Variants in ESYT3 observed in about 807,000 individuals in gnomAD.
The protein encoded by ESYT3 is extended synaptotagmin 3.
Under a neutral mutation model 111.5 loss-of-function variants are expected in ESYT3, and 101 were observed. That is an observed-to-expected ratio of 0.91 (90% CI 0.77 to 1.07). ESYT3 has a LOEUF of 1.07. ESYT3 is among the 50% of genes least tolerant of loss of function. ESYT3 has a pLI of 0.00. For synonymous variants in ESYT3, 416 were observed against 446.8 expected, an observed-to-expected ratio of 0.93 and a Z score of 0.87; for missense variants, 1,097 against 1,109.4, an observed-to-expected ratio of 0.99 and a Z score of 0.16.
Position 138,474,316 on chromosome 3 carries a change from T to C in ESYT3, c.2432T>C (p.Val811Ala), listed in dbSNP as rs1245392689. The C allele has an allele frequency of 1.9e-6, 3 of 1,604,640 alleles. No homozygotes were observed. Among genetic ancestry groups the C allele is most frequent in the Non-Finnish European group, 8.5e-7 (1 of 1,177,706 alleles). The change falls in exon 20 of 23, where the codon GTG becomes GCG. Residue 811 changes from valine (V) to alanine (A), a missense_variant. Physicochemically the swap from Val to Ala is moderately conservative, Grantham distance 64 (BLOSUM62 0). Transcript: ENST00000389567. The stretch of plus-strand genomic sequence containing the variant: ...TGGGCATGTCGTAAGAAGACTTCAG[T>C]GAAGCGGAAGACCTTGGAACCCCTG... ...RKWACRKKTS[V>A]KRKTLEPLFD...
At chr3:138,451,329 A>G (rs546259498) in intron 1 of ESYT3, among the ~76,000 whole-genome samples, 135 of 152,302 alleles carry the variant, frequency 8.9e-4, no homozygotes, top group African/African-American at 3.2e-3. Flanking sequence ...CAAGGTGGGC[A>G]GAGGTGGGAG....
In ESYT3 at chr3:138,469,287, G is replaced by C. The variant is rs73864583; in HGVS notation, c.1435-149G>C. The C allele has an allele frequency of 9.5e-5, 65 of 682,564 alleles. No individual in the cohort carries two copies. The African/African-American group carries it at 1.0e-3, about 11-fold the overall frequency. 42.3% of individuals were successfully genotyped at this position (682,564 alleles called of 1,614,324 possible). On this transcript the variant is annotated intron_variant, in intron 14 of 22. Transcript: ENST00000389567. ...GCTCGCACAGTAATGACAGCCCAGG[G>C]GGACTGGGGCATTAGAGTAGCTTTC...
intron 2 of ESYT3, among the ~76,000 whole-genome samples, chr3:138,452,785 A>T (rs1242357063): frequency 1.3e-5 from 2 of 152,200 alleles, no homozygotes; most frequent in African/African-American, 4.8e-5. Flanking sequence ...GAATGTTTCT[A>T]ATACAAACCT....
At position 138,461,513 on chromosome 3, in the gene ESYT3, C is replaced by T. The variant is rs552527476; in HGVS notation, c.795-573C>T. 5.9e-5 allele frequency among the ~76,000 whole-genome samples: 9 copies of T among 152,294 alleles called. No homozygotes were observed. In the East Asian group the frequency reaches 1.2e-3, roughly 20 times the overall value. On this transcript the variant is annotated intron_variant, in intron 7 of 22. Transcript: ENST00000389567. ...CAGACTCAGGGGAGGGCTGCTGACT[C>T]GCTCATTCACTGACATCTGCATGGA... is the stretch of plus-strand genomic sequence containing the variant.
In ESYT3 at chr3:138,442,342, CCAAA is replaced by C. The variant is rs540343746; in HGVS notation, c.327+7223_327+7226del. On this transcript the variant is annotated intron_variant, in intron 1 of 22. Coordinates refer to ENST00000389567, the MANE Select transcript of ESYT3 (RefSeq NM_031913.5). ...TGTTCTTAACATTATATTACATTCT[CCAAA>C]CAAACTTCTAAGGACGATCATATCC... Among the ~76,000 whole-genome samples the C allele has an allele frequency of 6.4e-4, 98 of 152,246 alleles. 1 individual carries two copies. Among genetic ancestry groups the C allele is most frequent in the South Asian group, 5.4e-3 (26 of 4,822 alleles).
chr3:138,470,363 G>A, intron 16 of ESYT3: 1 of 1,256,272 alleles, frequency 8.0e-7, no homozygotes, highest in Non-Finnish European at 1.0e-6. Flanking sequence ...AAATCCTCAA[G>A]TCCCTTGACT....
chr3:138,451,757 C>A (rs1207410947), intron 1 of ESYT3, among the ~76,000 whole-genome samples: 1 of 152,242 alleles, frequency 6.6e-6, no homozygotes, highest in Non-Finnish European at 1.5e-5. Context: ...AACGCCCACG[C>A]GAGCCTTGGA....
At position 138,434,700 on chromosome 3, in the gene ESYT3, C is replaced by G; in HGVS notation, c.-99C>G. ...CAGCAGGGCAAGGGGGCGCGGCGTC[C>G]TGGTCCTCGAGCTTGGGAGACAGAT... is the stretch of plus-strand genomic sequence containing the variant. On this transcript the variant is annotated 5_prime_UTR_variant, in exon 1 of 23. Coordinates refer to ENST00000389567, the MANE Select transcript of ESYT3 (RefSeq NM_031913.5). The G allele has an allele frequency of 8.9e-7, 1 of 1,126,760 alleles. No individual in the cohort carries two copies. Among genetic ancestry groups the G allele is most frequent in the Non-Finnish European group, 1.2e-6 (1 of 824,030 alleles). The allele number at this position is 1,126,760 out of a possible 1,614,324, so 69.8% of individuals were successfully genotyped here.
At chr3:138,451,397 A>C (rs2031917808) in intron 1 of ESYT3, among the ~76,000 whole-genome samples, 1 of 152,356 alleles carries the variant, frequency 6.6e-6, no homozygotes, top group South Asian at 2.1e-4. Context: ...GCTGTTAAGT[A>C]CTTATCACTG....
chr3:138,469,411 C>T (rs2033103635), intron 14 of ESYT3, 25 bp from the exon 15 acceptor site: 1 of 1,603,674 alleles, frequency 6.2e-7, no homozygotes, highest in African/African-American at 1.3e-5. Context: ...GCCACCTTCA[C>T]TGTTATGGAT....
chr3:138,436,752 G>A (rs1344385370), intron 1 of ESYT3, among the ~76,000 whole-genome samples: 3 of 152,182 alleles, frequency 2.0e-5, no homozygotes, highest in Admixed American at 6.5e-5. Context: ...AGTTGAGGGA[G>A]TCCAGGCCAT....
rs767548033 is a variant in ESYT3 at position 138,435,142 on chromosome 3, G to A, written c.327+17G>A. 5.8e-6 allele frequency: 9 copies of A among 1,551,464 alleles called. No homozygotes were observed. The highest frequency in any genetic ancestry group is 7.0e-6 in the Non-Finnish European group (8 of 1,149,436). Reference sequence around the variant, plus strand: ...CCAGCCTGGGTGAGCCAAGCCGGGTGGGAGTGGGAGGTGGGGAGATGCCTT... The same window carrying A: ...CCAGCCTGGGTGAGCCAAGCCGGGTAGGAGTGGGAGGTGGGGAGATGCCTT... On this transcript the variant is annotated intron_variant, in intron 1 of 22. Transcript: ENST00000389567. The surrounding 1 kb of genome is among the most constrained non-coding windows in gnomAD (Gnocchi z 4.8).
In ESYT3 at chr3:138,435,802, CAA is replaced by C. The variant is rs985554062; in HGVS notation, c.327+680_327+681del. Among the ~76,000 whole-genome samples the C allele has an allele frequency of 5.9e-5, 9 of 152,256 alleles. No individual in the cohort carries two copies. Among genetic ancestry groups the C allele is most frequent in the African/African-American group, 9.6e-5 (4 of 41,466 alleles). On this transcript the variant is annotated intron_variant, in intron 1 of 22. Coordinates refer to ENST00000389567, the MANE Select transcript of ESYT3 (RefSeq NM_031913.5). This position sits in a 1 kb window ranked among gnomAD's most constrained non-coding sequence, Gnocchi z 4.8. ...ACGCTTCTGGTCCTGGCTTACCTAA[CAA>C]AACCCAAGTTCTGGGCCCCATTGCA...
Position 138,476,938 on chromosome 3 carries a change from A to G in ESYT3, c.*84A>G, listed in dbSNP as rs2033515460. On this transcript the variant is annotated 3_prime_UTR_variant, in exon 23 of 23. Coordinates refer to ENST00000389567, the MANE Select transcript of ESYT3 (RefSeq NM_031913.5). ...TTCCTTTGGATCACTTACATCCAATATATGTATATTTTGTCATTTAAATCA... is the reference window on the plus strand; with the variant it reads ...TTCCTTTGGATCACTTACATCCAATGTATGTATATTTTGTCATTTAAATCA... 2 of 1,039,180 alleles carry G rather than the reference A, an allele frequency of 1.9e-6. No homozygotes were observed. Among genetic ancestry groups the G allele is most frequent in the African/African-American group, 1.6e-5 (1 of 61,194 alleles). 64.4% of individuals were successfully genotyped at this position (1,039,180 alleles called of 1,614,324 possible).
In ESYT3 at chr3:138,442,530, T is replaced by C. The variant is rs534525157; in HGVS notation, c.327+7405T>C. ...CTGTGCATCTAGATTCTGTGACTCA[T>C]CCTTCAAATCCAAGCTCAGGCCCCA... is the stretch of plus-strand genomic sequence containing the variant. On this transcript the variant is annotated intron_variant, in intron 1 of 22. Transcript: ENST00000389567. Among the ~76,000 whole-genome samples, 33 of 152,318 alleles carry C rather than the reference T, an allele frequency of 2.2e-4. No individual in the cohort carries two copies. The East Asian group carries it at 3.5e-3, about 16-fold the overall frequency.
chr3:138,459,873 C>A, intron 5 of ESYT3, 72 bp from the exon 6 acceptor site: 1 of 1,370,106 alleles, frequency 7.3e-7, no homozygotes. Flanking sequence ...CAGCAGATGG[C>A]CTCAGCTGAG....
In ESYT3 at chr3:138,470,255, C is replaced by T. The variant is rs1013752343; in HGVS notation, c.1590+109C>T. 4 of 1,434,352 alleles carry T rather than the reference C, an allele frequency of 2.8e-6. No homozygotes were observed. In the Admixed American group the frequency reaches 8.6e-5, roughly 31 times the overall value. The allele number at this position is 1,434,352 out of a possible 1,614,324, so 88.9% of individuals were successfully genotyped here. A position where few individuals can be genotyped will look rare whatever the true frequency, so the allele number is the denominator to read the frequency against. ...AGGTTCTCCTGGCAGCGTTTAAAGT[C>T]AGCCCCTTGTATGTAAGAGAGGACA... is the stretch of plus-strand genomic sequence containing the variant. On this transcript the variant is annotated intron_variant, in intron 16 of 22. Transcript: ENST00000389567.
chr3:138,454,364 C>G (rs556750177), intron 2 of ESYT3, among the ~76,000 whole-genome samples: 57 of 152,110 alleles, frequency 3.7e-4, no homozygotes, highest in African/African-American at 1.3e-3. Flanking sequence ...ATGGTGAAAC[C>G]CTGTCTCTAA....
At position 138,435,656 on chromosome 3, in the gene ESYT3, C is replaced by G. The variant is rs904212037; in HGVS notation, c.327+531C>G. 1.3e-5 allele frequency among the ~76,000 whole-genome samples: 2 copies of G among 151,198 alleles called. No homozygotes were observed. The highest frequency in any genetic ancestry group is 3.0e-5 in the Non-Finnish European group (2 of 67,732). On this transcript the variant is annotated intron_variant, in intron 1 of 22. Transcript: ENST00000389567. The surrounding 1 kb of genome is among the most constrained non-coding windows in gnomAD (Gnocchi z 4.8). ...GTGGCGGGTACGGCTGGGAGACCGA[C>G]GGCGCCGGGCCCCGGGCCTCCTTCC... is the stretch of plus-strand genomic sequence containing the variant.
Sources: allele counts gnomAD v4.1 joint callset (sites outside exome capture counted in the v4.1 genomes callset), GRCh38; gene constraint gnomAD v4.1.1; non-coding constraint Gnocchi (gnomAD v3.1); transcripts MANE v1.5; gene names NCBI Gene and HGNC (gene_info 2026-07-23, HGNC 2026-07-21).